The following NEDD4 variants were observed in gnomAD, a reference collection of about 807,000 sequenced individuals.
The protein encoded by NEDD4 is NEDD4 E3 ubiquitin protein ligase, also known as E3 ubiquitin-protein ligase NEDD4.
NEDD4 carries 99 observed loss-of-function variants against 144.9 expected under a neutral mutation model. The observed-to-expected ratio is 0.68, with a 90% CI of 0.58 to 0.81. NEDD4 has a LOEUF of 0.81. NEDD4 is among the 30% of genes least tolerant of loss of function. The probability of loss-of-function intolerance (pLI) is 0.00; values close to 1 mark genes in which losing one functional copy is unlikely to be tolerated. For synonymous variants in NEDD4, 318 were observed against 350.6 expected (o/e 0.91, Z 1.04); for missense variants, 985 against 1,065.9 (o/e 0.92, Z 1.06).
At position 55,833,217 on chromosome 15, in the gene NEDD4, G is replaced by A. The variant is rs2033041666; in HGVS notation, c.2431-113C>T. On this transcript the variant is annotated intron_variant, in intron 26 of 28. Transcript: ENST00000435532. The stretch of plus-strand genomic sequence containing the variant: ...ATATTAATAATCCCTTACTAGATGT[G>A]GATGTTTCTTTCAGTTAAATTTTTG... 4.7e-6 allele frequency: 3 copies of A among 643,232 alleles called. No homozygotes were observed. In the Admixed American group the frequency reaches 8.7e-5, roughly 19 times the overall value. The allele number at this position is 643,232 out of a possible 1,614,324, so 39.8% of individuals were successfully genotyped here. A position where few individuals can be genotyped will look rare whatever the true frequency, so the allele number is the denominator to read the frequency against.
intron 1 of NEDD4, among the ~76,000 whole-genome samples, chr15:55,969,721 G>A (rs1450307277): frequency 6.6e-6 from 1 of 152,042 alleles, no homozygotes; most frequent in African/African-American, 2.4e-5. Context: ...ACTACCTGCT[G>A]ACTAAAGAGC....
chr15:55,918,240 A>T (rs1198709941), intron 5 of NEDD4, among the ~76,000 whole-genome samples: 2 of 151,822 alleles, frequency 1.3e-5, no homozygotes, highest in Non-Finnish European at 2.9e-5. Context: ...TTGTATATAT[A>T]TTTTTTCTGC....
At chr15:55,958,685 A>G (rs908910448) in intron 2 of NEDD4, among the ~76,000 whole-genome samples, 2 of 152,194 alleles carry the variant, frequency 1.3e-5, no homozygotes, top group South Asian at 2.1e-4. Flanking sequence ...AACAAATTCA[A>G]TTTCTTTCAA....
chr15:55,960,145 G>A (rs2037402099), intron 2 of NEDD4, among the ~76,000 whole-genome samples: 1 of 152,144 alleles, frequency 6.6e-6, no homozygotes, highest in South Asian at 2.1e-4. Flanking sequence ...AAGGACTGCA[G>A]AAATAAGCCA....
At chr15:55,858,135 AT>A (rs2142026118) in intron 11 of NEDD4, among the ~76,000 whole-genome samples, 1 of 152,112 alleles carries the variant, frequency 6.6e-6, no homozygotes, top group East Asian at 1.9e-4. Context: ...ATTTACCAGC[AT>A]CTCTTAGGGA....
At chr15:55,845,369 A>G (rs1005406667) in intron 18 of NEDD4, among the ~76,000 whole-genome samples, 3 of 152,178 alleles carry the variant, frequency 2.0e-5, no homozygotes, top group South Asian at 2.1e-4. Context: ...CACATTACCT[A>G]TTCTCTCTGT....
At chr15:55,904,999 G>A (rs553453453) in intron 5 of NEDD4, among the ~76,000 whole-genome samples, 1 of 151,962 alleles carries the variant, frequency 6.6e-6, no homozygotes, top group East Asian at 1.9e-4. Flanking sequence ...GGCTGAGGAA[G>A]GAGAATTGCT....
At chr15:55,936,445 C>T (rs1050537872) in intron 4 of NEDD4, among the ~76,000 whole-genome samples, 22 of 151,874 alleles carry the variant, frequency 1.4e-4, no homozygotes, top group African/African-American at 5.3e-4. Context: ...CATAGGAAAT[C>T]CCAGAAAAGC....
At chr15:55,832,095 T>C (rs752964760) in intron 27 of NEDD4, among the ~76,000 whole-genome samples, 1 of 147,946 alleles carries the variant, frequency 6.8e-6, no homozygotes, top group Non-Finnish European at 1.5e-5. Flanking sequence ...ATTCTGAAAA[T>C]CAAGAGATAT....
chr15:55,908,186 T>A (rs972400318), intron 5 of NEDD4, among the ~76,000 whole-genome samples: 2 of 152,220 alleles, frequency 1.3e-5, no homozygotes, highest in Non-Finnish European at 2.9e-5. Context: ...GCTTTATTCA[T>A]TAATTTAATA....
At chr15:55,935,600 C>G (rs1415035756) in intron 4 of NEDD4, among the ~76,000 whole-genome samples, 1 of 152,016 alleles carries the variant, frequency 6.6e-6, no homozygotes, top group Non-Finnish European at 1.5e-5. Flanking sequence ...GTAATCCTAG[C>G]ACTTTGGGAG....
chr15:55,944,458 C>T (rs1330137843), intron 4 of NEDD4, among the ~76,000 whole-genome samples: 1 of 152,174 alleles, frequency 6.6e-6, no homozygotes, highest in Middle Eastern at 3.2e-3. Flanking sequence ...ATTGCTGAGG[C>T]TTGAGTAGGT....
intron 18 of NEDD4, among the ~76,000 whole-genome samples, chr15:55,844,987 T>C (rs1415495125): frequency 6.6e-6 from 1 of 152,094 alleles, no homozygotes; most frequent in Non-Finnish European, 1.5e-5. Flanking sequence ...TAATATTCTT[T>C]ATTTCTGTTT....
intron 5 of NEDD4, chr15:55,916,447 C>T (rs150886795): frequency 3.4e-4 from 549 of 1,614,048 alleles, no homozygotes; most frequent in Non-Finnish European, 4.2e-4. Context: ...AATTCATTAT[C>T]GACCACAGCA....
chr15:55,963,177 G>T (rs2037454766), intron 2 of NEDD4, among the ~76,000 whole-genome samples: 1 of 146,458 alleles, frequency 6.8e-6, no homozygotes, highest in African/African-American at 2.5e-5. Context: ...TGTCGCCTAG[G>T]CTGGAGTGCA....
chr15:55,928,338 G>A (rs117864424), intron 4 of NEDD4, among the ~76,000 whole-genome samples: 390 of 152,098 alleles, frequency 2.6e-3, no homozygotes, highest in Non-Finnish European at 4.1e-3. Context: ...TCTATCTTTC[G>A]TACTGTAATC....
At chr15:55,950,738 A>G (rs1475839695) in intron 4 of NEDD4, among the ~76,000 whole-genome samples, 4 of 152,202 alleles carry the variant, frequency 2.6e-5, no homozygotes, top group Non-Finnish European at 4.4e-5. Context: ...AAACGACTCA[A>G]CAGCTAAAGG....
In NEDD4 at chr15:55,852,485, C is replaced by T. The variant is rs760545433; in HGVS notation, c.1085G>A (p.Gly362Glu). The T allele has an allele frequency of 3.1e-6, 5 of 1,612,890 alleles. No individual in the cohort carries two copies. The highest frequency in any genetic ancestry group is 3.4e-6 in the Non-Finnish European group (4 of 1,179,476). Residue 362 changes from glycine (G) to glutamate (E), a missense_variant, in exon 13 of 29, where the codon GGA becomes GAA. By Grantham distance (98) the Gly-to-Glu change is moderately conservative. Transcript: ENST00000435532. ...PGWEEKQDER[G>E]RSYYVDHNSR... ...ATTGTGATCTACATAATATGATCTT[C>T]CTCTTTCATCTTGTTTTTCTTCCCA...
chr15:55,857,912 C>A (rs12913186), intron 11 of NEDD4, among the ~76,000 whole-genome samples: 109,436 of 151,910 alleles, frequency 0.72, 39,947 homozygotes, highest in Non-Finnish European at 0.8. Flanking sequence ...TGCACTCCAG[C>A]CTGGGCGACA....
Sources: gnomAD v4.1 joint callset for allele counts (sites outside exome capture counted in the v4.1 genomes callset) on GRCh38, gnomAD v4.1.1 for gene constraint, MANE v1.5 for transcripts, NCBI Gene and HGNC (gene_info 2026-07-23, HGNC 2026-07-21) for gene names.